The following COP1 variants were observed in gnomAD, a reference collection of about 807,000 sequenced individuals.
COP1 encodes E3 ubiquitin-protein ligase COP1.
Under a neutral mutation model 101.3 loss-of-function variants are expected in COP1, and 24 were observed. The observed-to-expected ratio is 0.24, with a 90% CI of 0.17 to 0.33. The LOEUF is 0.33. Among genes scored for constraint, COP1 ranks in the 10% least tolerant of loss-of-function variants. The probability of loss-of-function intolerance (pLI) is 1.00; values close to 1 mark genes in which losing one functional copy is unlikely to be tolerated. For missense variants in COP1, 663 were observed against 906.2 expected (o/e 0.73, Z 3.45); for synonymous variants, 347 against 341.9 (o/e 1.01, Z -0.17).
chr1:176,028,785 ACT>A (rs1157617573), intron 14 of COP1, among the ~76,000 whole-genome samples: 1 of 138,724 alleles, frequency 7.2e-6, no homozygotes, highest in Admixed American at 7.7e-5. Flanking sequence ...GGTTCTCCTC[ACT>A]CTGTCATTCA....
At chr1:176,192,311 T>G (rs1699194029) in intron 1 of COP1, among the ~76,000 whole-genome samples, 1 of 152,168 alleles carries the variant, frequency 6.6e-6, no homozygotes, top group East Asian at 1.9e-4. Context: ...TGTGTAGTTA[T>G]AAGTTAGGTA....
Position 176,044,212 on chromosome 1 carries a change from A to G in COP1, c.1422-394T>C, listed in dbSNP as rs140672817. 6.2e-3 allele frequency among the ~76,000 whole-genome samples: 943 copies of G among 152,340 alleles called. 14 individuals carry two copies. Among genetic ancestry groups the G allele is most frequent in the African/African-American group, 0.021 (890 of 41,584 alleles). On this transcript the variant is annotated intron_variant, in intron 12 of 19. Transcript: ENST00000367669. ...TAACCCCCTGGATCCAGTTGTGCCA[A>G]ATCATATAAGCCAAATAAACTACAG...
At chr1:175,988,870 A>C (rs1657755101) in intron 16 of COP1, 1 of 157,074 alleles carries the variant, frequency 6.4e-6, no homozygotes, top group Non-Finnish European at 1.4e-5. Context: ...ATTTAAAGTC[A>C]CCATGAAATC....
intron 11 of COP1, among the ~76,000 whole-genome samples, chr1:176,054,359 A>C (rs1453499890): frequency 6.6e-6 from 1 of 151,644 alleles, no homozygotes. Context: ...ACAGGGTTTC[A>C]CCATGTTGGC....
At chr1:176,107,506 G>A (rs1317234273) in intron 9 of COP1, among the ~76,000 whole-genome samples, 1 of 152,032 alleles carries the variant, frequency 6.6e-6, no homozygotes, top group Non-Finnish European at 1.5e-5. Flanking sequence ...AAGATGATTT[G>A]AGTTTCAAAA....
intron 6 of COP1, among the ~76,000 whole-genome samples, chr1:176,137,402 T>A: frequency 6.6e-6 from 1 of 152,272 alleles, no homozygotes. Context: ...ATTGAGAGTA[T>A]TAAAAATAAA....
chr1:175,998,085 A>G (rs1024272005), intron 15 of COP1, among the ~76,000 whole-genome samples: 4 of 127,070 alleles, frequency 3.1e-5, no homozygotes, highest in East Asian at 3.9e-4. Context: ...AAAAAAAAAA[A>G]AAAAAGAAAA....
At chr1:176,090,437 A>G (rs1207050327) in intron 9 of COP1, among the ~76,000 whole-genome samples, 1 of 152,216 alleles carries the variant, frequency 6.6e-6, no homozygotes, top group African/African-American at 2.4e-5. Context: ...ACTTCTTTAA[A>G]TATTTTATAG....
intron 12 of COP1, among the ~76,000 whole-genome samples, chr1:176,045,507 T>C (rs1005502177): frequency 6.6e-6 from 1 of 151,866 alleles, no homozygotes; most frequent in African/African-American, 2.4e-5. Context: ...AAAGTTATTA[T>C]TAGATGATTT....
chr1:176,085,079 G>A (rs768988838), intron 10 of COP1, among the ~76,000 whole-genome samples: 28 of 152,118 alleles, frequency 1.8e-4, no homozygotes, highest in Non-Finnish European at 3.8e-4. Flanking sequence ...CTTTTTTACA[G>A]TAATAAAAAT....
rs1685070181 is a variant in COP1, at chr1:176,110,347, CTATTTT to C, written c.1026+6271_1026+6276del. On this transcript the variant is annotated intron_variant, in intron 9 of 19. Coordinates refer to ENST00000367669, the MANE Select transcript of COP1 (RefSeq NM_022457.7). ...CTGTTAAGTTCTTTTACCTCATCTT[CTATTTT>C]TATCTCCCTTGTTCACTTGTCTCCA... Among the ~76,000 whole-genome samples the C allele has an allele frequency of 2.6e-5, 4 of 152,176 alleles. No individual in the cohort carries two copies. In the South Asian group the frequency reaches 8.3e-4, roughly 31 times the overall value.
At chr1:175,959,709 T>C (rs1175927809) in intron 18 of COP1, among the ~76,000 whole-genome samples, 1 of 152,240 alleles carries the variant, frequency 6.6e-6, no homozygotes, top group East Asian at 1.9e-4. Context: ...CTTGAATAGA[T>C]AATATACACA....
chr1:176,124,747 C>G (rs1267504390), intron 8 of COP1, among the ~76,000 whole-genome samples: 3 of 152,170 alleles, frequency 2.0e-5, no homozygotes, highest in African/African-American at 7.2e-5. Context: ...GCAGATAACT[C>G]TTTCATGTAT....
At chr1:175,968,513 C>T (rs1475213150) in intron 18 of COP1, 1 of 518,534 alleles carries the variant, frequency 1.9e-6, no homozygotes, top group Non-Finnish European at 3.8e-6. Context: ...TTCATTTGTC[C>T]ACATGGCTGG....
Position 176,121,823 on chromosome 1 carries a change from G to A in COP1, c.969-5142C>T, listed in dbSNP as rs142193138. On this transcript the variant is annotated intron_variant, in intron 8 of 19. Transcript: ENST00000367669. ...TGTCAGTGATGACAATGGCTTTTTA[G>A]CAATATGTAGATTTTTGGCAATATA... Among the ~76,000 whole-genome samples the A allele has an allele frequency of 2.6e-3, 400 of 152,058 alleles. 3 individuals are homozygous for A. Among genetic ancestry groups the A allele is most frequent in the African/African-American group, 9.2e-3 (382 of 41,484 alleles).
chr1:176,109,493 T>C (rs1210554631), intron 9 of COP1, among the ~76,000 whole-genome samples: 1 of 152,200 alleles, frequency 6.6e-6, no homozygotes, highest in Admixed American at 6.5e-5. Context: ...AGTCTTAGAG[T>C]ACATTTTAAT....
At chr1:176,044,033 T>C (rs1671083092) in intron 12 of COP1, among the ~76,000 whole-genome samples, 1 of 152,214 alleles carries the variant, frequency 6.6e-6, no homozygotes, top group East Asian at 1.9e-4. Context: ...TAACCACCTT[T>C]TACTGTGATC....
intron 15 of COP1, among the ~76,000 whole-genome samples, chr1:175,998,808 A>C (rs527576821): frequency 5.9e-5 from 9 of 152,258 alleles, no homozygotes; most frequent in African/African-American, 2.2e-4. Flanking sequence ...CCTAGGTAGG[A>C]TAAGGTAAAG....
intron 3 of COP1, among the ~76,000 whole-genome samples, chr1:176,174,850 A>T (rs1222951734): frequency 2.6e-5 from 4 of 152,170 alleles, no homozygotes; most frequent in Non-Finnish European, 5.9e-5. Flanking sequence ...TCATACCTGA[A>T]AATTATTCTT....
Sources: allele counts gnomAD v4.1 joint callset (sites outside exome capture counted in the v4.1 genomes callset), GRCh38; gene constraint gnomAD v4.1.1; transcripts MANE v1.5; gene names NCBI Gene and HGNC (gene_info 2026-07-23, HGNC 2026-07-21).